The following SUN1 variants were observed in gnomAD, a reference collection of about 807,000 sequenced individuals.
The protein encoded by SUN1 is Sad1 and UNC84 domain containing 1, also known as SUN domain-containing protein 1.
SUN1 carries 61 observed loss-of-function variants against 103.2 expected under a neutral mutation model. The observed-to-expected ratio is 0.59, with a 90% confidence interval of 0.48 to 0.73. SUN1 has a LOEUF of 0.73. SUN1 is among the 30% of genes least tolerant of loss of function. The pLI, the probability that SUN1 is intolerant of heterozygous loss-of-function variation, is 0.00. For synonymous variants in SUN1, 490 were observed against 425.7 expected (o/e 1.15, Z -1.86); for missense variants, 1,052 against 1,034.6 (o/e 1.02, Z -0.23).
intron 11 of SUN1, among the ~76,000 whole-genome samples, chr7:855,777 G>A (rs1359838700): frequency 6.6e-6 from 1 of 152,162 alleles, no homozygotes; most frequent in African/African-American, 2.4e-5. Context: ...GAGAAGGTCT[G>A]TGGGGCGCCT....
upstream of SUN1, chr7:832,170 G>A: frequency 1.1e-6 from 1 of 879,708 alleles, no homozygotes; most frequent in Non-Finnish European, 1.4e-6. Context: ...ACACAGTGAG[G>A]ATTTAAAAAC....
chr7:862,378 C>T (rs1832890019), intron 15 of SUN1, among the ~76,000 whole-genome samples: 1 of 152,136 alleles, frequency 6.6e-6, no homozygotes, highest in Admixed American at 6.5e-5. Context: ...AGTACGGGAG[C>T]AGCTGGGTTT....
Position 832,507 on chromosome 7 carries a change from T to C in SUN1, c.-18T>C. 1.2e-6 allele frequency: 2 copies of C among 1,611,570 alleles called. No homozygotes were observed. The highest frequency in any genetic ancestry group is 2.2e-5 in the South Asian group (2 of 90,502). ...CATTTCTTTCCCGCCCTCTGCAGTA[T>C]GGTTTGAAGTGGTGAACATGGATTT... On this transcript the variant is annotated 5_prime_UTR_variant, in exon 1 of 19. The change abolishes an upstream ATG in the 5' untranslated region. Transcript: ENST00000401592.
intron 2 of SUN1, among the ~76,000 whole-genome samples, chr7:839,487 C>T (rs1806928320): frequency 6.6e-6 from 1 of 152,164 alleles, no homozygotes; most frequent in African/African-American, 2.4e-5. Flanking sequence ...CGGGTTCAAG[C>T]GATTCTACTG....
intron 1 of SUN1, among the ~76,000 whole-genome samples, chr7:821,310 C>T (rs535380630): frequency 6.6e-6 from 1 of 151,888 alleles, no homozygotes; most frequent in Non-Finnish European, 1.5e-5. Context: ...GGTGGGACTA[C>T]AGGTGCACGC....
chr7:873,594 CG>C lies in SUN1; in HGVS notation c.*266del. ...GCTCTCAGACACTCCTTGTTTTTAACGGGAAGCTCTTTGCATTTGCATTTCC... is the reference window on the plus strand; with the variant it reads ...GCTCTCAGACACTCCTTGTTTTTAACGGAAGCTCTTTGCATTTGCATTTCC... On this transcript the variant is annotated 3_prime_UTR_variant, in exon 19 of 19. Transcript: ENST00000401592. The C allele has an allele frequency of 2.5e-6, 1 of 394,610 alleles. No homozygotes were observed. Among genetic ancestry groups the C allele is most frequent in the Middle Eastern group, 6.8e-4 (1 of 1,462 alleles). The allele number at this position is 394,610 out of a possible 1,614,324, so 24.4% of individuals were successfully genotyped here.
At chr7:823,275 T>C (rs898584318) in intron 1 of SUN1, among the ~76,000 whole-genome samples, 1 of 152,210 alleles carries the variant, frequency 6.6e-6, no homozygotes, top group African/African-American at 2.4e-5. Context: ...AAATAATCAT[T>C]ATGATTTGTG....
intron 1 of SUN1, among the ~76,000 whole-genome samples, chr7:834,974 G>A (rs1157266582): frequency 6.6e-6 from 1 of 152,202 alleles, no homozygotes; most frequent in African/African-American, 2.4e-5. Context: ...TACTTGGTAG[G>A]CTGAGGCAGG....
At position 851,470 on chromosome 7, in the gene SUN1, G is replaced by A. The variant is rs75110306; in HGVS notation, c.745G>A (p.Val249Met). 5.6e-5 allele frequency: 90 copies of A among 1,606,460 alleles called. No individual in the cohort carries two copies. The East Asian group carries it at 1.8e-3, about 33-fold the overall frequency. Residue 249 changes from valine (V) to methionine (M), a missense_variant, in exon 6 of 19, where the codon GTG becomes ATG. Coordinates refer to ENST00000401592, the MANE Select transcript of SUN1 (RefSeq NM_001130965.3). ...RTAWSALWLA[V>M]VAPGKAASGV... The stretch of plus-strand genomic sequence containing the variant: ...GGCGTGGTCGGCCCTTTGGCTGGCC[G>A]TGGTTGCTCCAGGTGGCTATTTTGG...
intron 5 of SUN1, 191 bp downstream of exon 5, chr7:843,711 A>G: frequency 1.4e-6 from 2 of 1,435,908 alleles, no homozygotes; most frequent in East Asian, 5.1e-5. Context: ...GTGGTTAGTA[A>G]TTTTGTACCT....
At chr7:850,239 C>G in intron 5 of SUN1, 1 of 559,158 alleles carries the variant, frequency 1.8e-6, no homozygotes, top group South Asian at 2.0e-5. Flanking sequence ...CACTCTGTTG[C>G]CCAGGCTGGA....
At chr7:855,222 G>A (rs1045179675) in intron 11 of SUN1, among the ~76,000 whole-genome samples, 1 of 152,190 alleles carries the variant, frequency 6.6e-6, no homozygotes, top group Non-Finnish European at 1.5e-5. Flanking sequence ...CGTGTCTCTC[G>A]AGGGCACAGA....
chr7:843,619 C>CT (rs1430673199), intron 5 of SUN1, 99 bp downstream of exon 5: 2 of 1,604,626 alleles, frequency 1.2e-6, no homozygotes, highest in Admixed American at 1.7e-5. Flanking sequence ...GTCTTGGAGA[C>CT]TTAAAATTAT....
chr7:871,423 C>G (rs1423495356), intron 17 of SUN1, among the ~76,000 whole-genome samples: 1 of 152,176 alleles, frequency 6.6e-6, no homozygotes, highest in Admixed American at 6.5e-5. Context: ...GAGTCTCGCT[C>G]TGTCACCAGG....
Position 851,963 on chromosome 7 carries a change from T to C in SUN1, c.771T>C (p.Ser257=). ...TTTCTCTTGTAGGGAAGGCAGCCTC[T>C]GGAGTGTTCTGGTGGCTGGGGATTG... The part of the protein sequence containing the change: ...LAVVAPGKAA[S]GVFWWLGIGW... Residue 257 remains serine, a synonymous_variant, in exon 7 of 19, where the codon TCT becomes TCC. Transcript: ENST00000401592. The C allele has an allele frequency of 5.0e-6, 8 of 1,614,080 alleles. No individual in the cohort carries two copies. Among genetic ancestry groups the C allele is most frequent in the Non-Finnish European group, 6.8e-6 (8 of 1,179,952 alleles).
At chr7:861,835 G>A (rs964031208) in intron 15 of SUN1, among the ~76,000 whole-genome samples, 3 of 152,256 alleles carry the variant, frequency 2.0e-5, no homozygotes, top group South Asian at 4.1e-4. Context: ...TCAGCAGCAA[G>A]ACAGACCGAG....
rs1781608418 is a variant in SUN1, at chr7:817,302, C to A, written c.-74+629C>A. ...TAGGGTTGTGGTCTCTCCATGCTGC[C>A]CAGGTCGGACTCCTAGGCTCAAGCG... On this transcript the variant is annotated intron_variant, in intron 1 of 17. Coordinates refer to the SUN1 transcript ENST00000389574. 6.8e-5 allele frequency: 61 copies of A among 899,706 alleles called. 1 individual carries two copies. In the South Asian group the frequency reaches 7.4e-4, roughly 11 times the overall value. The allele number at this position is 899,706 out of a possible 1,614,324, so 55.7% of individuals were successfully genotyped here. A position where few individuals can be genotyped will look rare whatever the true frequency, so the allele number is the denominator to read the frequency against.
chr7:850,119 C>T (rs1430157925), intron 5 of SUN1: 1 of 1,246,558 alleles, frequency 8.0e-7, no homozygotes, highest in East Asian at 2.6e-5. Context: ...AATTCAAGTG[C>T]TTTAAAGTCT....
At chr7:835,031 G>C (rs556099961) in intron 1 of SUN1, among the ~76,000 whole-genome samples, 3 of 152,234 alleles carry the variant, frequency 2.0e-5, no homozygotes, top group Non-Finnish European at 4.4e-5. Flanking sequence ...AGCTGAGATC[G>C]CGCCACTGCA....
Sources: allele counts gnomAD v4.1 joint callset (sites outside exome capture counted in the v4.1 genomes callset), GRCh38; gene constraint gnomAD v4.1.1; transcripts MANE v1.5; gene names NCBI Gene and HGNC (gene_info 2026-07-23, HGNC 2026-07-21).